The following TGFBI variants were observed in gnomAD, a reference collection of about 807,000 sequenced individuals.
TGFBI encodes transforming growth factor beta induced.
TGFBI carries 50 observed loss-of-function variants against 73.7 expected under a neutral mutation model. The ratio of observed to expected loss-of-function variants is 0.68; its 90% CI spans 0.54 to 0.86. The LOEUF (loss-of-function observed/expected upper bound fraction) is 0.86, where lower values mean the gene tolerates loss of function less well. TGFBI is among the 40% of genes least tolerant of loss of function. TGFBI has a pLI of 0.00. For synonymous variants in TGFBI, 362 were observed against 360.5 expected (o/e 1.00, Z -0.05); for missense variants, 839 against 877.0 (o/e 0.96, Z 0.55).
intron 6 of TGFBI, chr5:136,048,379 C>T (rs1751474161): frequency 6.6e-6 from 1 of 152,246 alleles, no homozygotes; most frequent in South Asian, 2.1e-4. Flanking sequence ...CTCTTCTGAC[C>T]CTCCATTTTG....
Position 136,063,214 on chromosome 5 carries a change from G to C in TGFBI, c.2040G>C (p.Arg680Ser), listed in dbSNP as rs762051168. 2.5e-6 allele frequency: 4 copies of C among 1,613,790 alleles called. No individual in the cohort carries two copies. The East Asian group carries it at 6.7e-5, about 27-fold the overall frequency. ...LAPVYQKLLE[R>S]MKH ...CTGTCTATCAAAAGTTATTAGAGAG[G>C]ATGAAGCATTAGCTTGAAGCACTAC... Residue 680 changes from arginine (R) to serine (S), a missense_variant, in exon 17 of 17, where the codon AGG becomes AGC. Arg to Ser is a moderately radical substitution (Grantham distance 110). Transcript: ENST00000442011.
intron 7 of TGFBI, among the ~76,000 whole-genome samples, chr5:136,052,475 C>T (rs891484084): frequency 6.6e-6 from 1 of 152,224 alleles, no homozygotes; most frequent in Non-Finnish European, 1.5e-5. Flanking sequence ...CCGTGGTAGG[C>T]TCTCTTGAGT....
In TGFBI at chr5:136,049,433, C is replaced by T. The variant is rs943343102; in HGVS notation, c.772-6C>T. 3.7e-6 allele frequency: 6 copies of T among 1,613,558 alleles called. No homozygotes were observed. The highest frequency in any genetic ancestry group is 5.1e-6 in the Non-Finnish European group (6 of 1,179,534). ...GGGAGCACTCCATCTTCTCTCCTCC[C>T]CACAGGCTGCTGTGGCTGCATCAGG... is the stretch of plus-strand genomic sequence containing the variant. On this transcript the variant is annotated splice_polypyrimidine_tract_variant and splice_region_variant and intron_variant, in intron 6 of 16. Transcript: ENST00000442011.
Position 136,056,743 on chromosome 5 carries a change from C to G in TGFBI, c.1626C>G (p.Pro542=). ...NREGVYTVFA[P]TNEAFRALPP... ...AAGGAGTCTACACAGTCTTTGCTCC[C>G]ACAAATGAAGCCTTCCGAGCCCTGC... The change falls in exon 12 of 17, where the codon CCC becomes CCG. Residue 542 remains proline, a synonymous_variant. Coordinates refer to ENST00000442011, the MANE Select transcript of TGFBI (RefSeq NM_000358.3). 1 of 1,613,928 alleles carries G rather than the reference C, an allele frequency of 6.2e-7. No homozygotes were observed. The highest frequency in any genetic ancestry group is 8.5e-7 in the Non-Finnish European group (1 of 1,179,866).
intron 15 of TGFBI, among the ~76,000 whole-genome samples, chr5:136,062,057 C>G (rs769833323): frequency 6.6e-6 from 1 of 152,162 alleles, no homozygotes; most frequent in Non-Finnish European, 1.5e-5. Flanking sequence ...GTGTGTGGAG[C>G]CATCCCTTCC....
intron 12 of TGFBI, 175 bp from the exon 13 acceptor site, chr5:136,058,915 A>T: frequency 1.4e-6 from 1 of 739,788 alleles, no homozygotes. Flanking sequence ...ACCATTAGAC[A>T]GATTGTGGGT....
intron 5 of TGFBI, 99 bp downstream of exon 5, chr5:136,047,114 C>G: frequency 2.0e-6 from 3 of 1,537,374 alleles, no homozygotes; most frequent in Non-Finnish European, 2.6e-6. Context: ...CTGTAGACAA[C>G]CCACCCTCTT....
intron 13 of TGFBI, among the ~76,000 whole-genome samples, chr5:136,059,894 G>A (rs1207666762): frequency 6.6e-6 from 1 of 151,864 alleles, no homozygotes; most frequent in Non-Finnish European, 1.5e-5. Flanking sequence ...GGTAGGCACG[G>A]GGATGACTTG....
In TGFBI at chr5:136,059,132, G is replaced by A. The variant is rs765029656; in HGVS notation, c.1721G>A (p.Gly574Asp). ...ELANILKYHIGDEILVSGGIG... is the reference protein window; with the variant it reads ...ELANILKYHIDDEILVSGGIG... ...GCCAACATCCTGAAATACCACATTGGTGATGAAATCCTGGTTAGCGGAGGC... is the reference window on the plus strand; with the variant it reads ...GCCAACATCCTGAAATACCACATTGATGATGAAATCCTGGTTAGCGGAGGC... Residue 574 changes from glycine (G) to aspartate (D), a missense_variant, in exon 13 of 17, where the codon GGT becomes GAT. Gly to Asp is a moderately conservative substitution (Grantham distance 94, BLOSUM62 -1). Transcript: ENST00000442011. 2 of 1,611,796 alleles carry A rather than the reference G, an allele frequency of 1.2e-6. No homozygotes were observed. The highest frequency in any genetic ancestry group is 1.7e-6 in the Non-Finnish European group (2 of 1,179,116).
intron 2 of TGFBI, among the ~76,000 whole-genome samples, chr5:136,043,841 C>T (rs1256238320): frequency 6.6e-6 from 1 of 152,242 alleles, no homozygotes; most frequent in African/African-American, 2.4e-5. Context: ...TAGGTGTTGG[C>T]AGCCGCCAGG....
At chr5:136,033,642 A>G (rs1751161530) in intron 1 of TGFBI, 121 bp from the exon 2 acceptor site, 1 of 769,748 alleles carries the variant, frequency 1.3e-6, no homozygotes, top group African/African-American at 1.7e-5. Context: ...CCAAGACTGA[A>G]ATGACTCTCT....
Position 136,046,906 on chromosome 5 carries a change from G to A in TGFBI, c.515G>A (p.Arg172His), listed in dbSNP as rs780291187. The stretch of plus-strand genomic sequence containing the variant: ...AACATTGAGCTGCTCAATGCCCTCC[G>A]CTACCATATGGTGGGCAGGCGAGTC... ...NVNIELLNAL[R>H]YHMVGRRVLT... The change falls in exon 5 of 17, where the codon CGC becomes CAC. Residue 172 changes from arginine to histidine, a missense_variant. Arg to His is a conservative substitution (Grantham distance 29). Transcript: ENST00000442011. The A allele has an allele frequency of 1.8e-5, 29 of 1,613,536 alleles. No homozygotes were observed. Among genetic ancestry groups the A allele is most frequent in the African/African-American group, 2.7e-5 (2 of 74,856 alleles).
At chr5:136,049,714 G>T in intron 7 of TGFBI, 134 bp downstream of exon 7, 1 of 1,077,964 alleles carries the variant, frequency 9.3e-7, no homozygotes, top group Non-Finnish European at 1.3e-6. Context: ...CATGGGCTGG[G>T]GTCATCCTGT....
At chr5:136,050,738 A>G (rs1561611695) in intron 7 of TGFBI, among the ~76,000 whole-genome samples, 1 of 152,200 alleles carries the variant, frequency 6.6e-6, no homozygotes, top group Non-Finnish European at 1.5e-5. Flanking sequence ...CATTTCAGAC[A>G]CCCTATACAT....
At chr5:136,042,633 G>GA (rs1751359561) in intron 2 of TGFBI, among the ~76,000 whole-genome samples, 1 of 151,136 alleles carries the variant, frequency 6.6e-6, no homozygotes, top group Non-Finnish European at 1.5e-5. Context: ...GAGGACTGGA[G>GA]AAAAAAACAA....
At chr5:136,062,203 TG>T (rs1420285959) in intron 15 of TGFBI, among the ~76,000 whole-genome samples, 4 of 152,148 alleles carry the variant, frequency 2.6e-5, no homozygotes, top group African/African-American at 9.7e-5. Context: ...CTCTTGGGAA[TG>T]TGAAGTGCCT....
rs577217638 is a variant in TGFBI, at chr5:136,046,372, C to A, written c.336C>A (p.Val112=). ...PLSNLYETLG[V]VGSTTTQLYT... is the part of the protein sequence containing the mutation. ...CAAACCTTTACGAGACCCTGGGAGT[C>A]GTTGGATCCACCACCACTCAGCTGT... Residue 112 remains valine (V), a synonymous_variant, in exon 4 of 17, where the codon GTC becomes GTA. Transcript: ENST00000442011. 1.9e-6 allele frequency: 3 copies of A among 1,613,934 alleles called. No homozygotes were observed. Among genetic ancestry groups the A allele is most frequent in the Non-Finnish European group, 2.5e-6 (3 of 1,179,876 alleles).
chr5:136,054,582 C>A, intron 9 of TGFBI, 134 bp from the exon 10 acceptor site: 2 of 1,118,722 alleles, frequency 1.8e-6, no homozygotes, highest in Non-Finnish European at 2.7e-6. Flanking sequence ...GGAATATTGG[C>A]AGCTTCACTT....
chr5:136,047,384 G>T lies in TGFBI; in HGVS notation c.735G>T (p.Gln245His). 7.4e-6 allele frequency: 12 copies of T among 1,613,890 alleles called. No individual in the cohort carries two copies. Among genetic ancestry groups the T allele is most frequent in the Non-Finnish European group, 1.0e-5 (12 of 1,179,872 alleles). Residue 245 changes from glutamine to histidine, a missense_variant, in exon 6 of 17, where the codon CAG becomes CAT. Physicochemically the swap from Gln to His is conservative, Grantham distance 24 (BLOSUM62 0). Coordinates refer to ENST00000442011, the MANE Select transcript of TGFBI (RefSeq NM_000358.3). ...CCACCATCACCAACAACATCCAGCA[G>T]ATCATTGAGATCGAGGACACCTTTG... Reference protein sequence around the residue: ...VISTITNNIQQIIEIEDTFET... With the variant: ...VISTITNNIQHIIEIEDTFET...
Sources: allele counts gnomAD v4.1 joint callset (sites outside exome capture counted in the v4.1 genomes callset), GRCh38; gene constraint gnomAD v4.1.1; transcripts MANE v1.5; gene names NCBI Gene and HGNC (gene_info 2026-07-23, HGNC 2026-07-21).